The following NRXN1 variants were observed in gnomAD, a reference collection of about 807,000 sequenced individuals.
The protein encoded by NRXN1 is neurexin 1.
Under a neutral mutation model 150.9 loss-of-function variants are expected in NRXN1, and 39 were observed. The observed-to-expected ratio is 0.26, with a 90% CI of 0.20 to 0.34. The LOEUF (loss-of-function observed/expected upper bound fraction) is 0.34. Among genes scored for constraint, NRXN1 ranks in the 10% least tolerant of loss-of-function variants. The pLI is 1.00. For missense variants in NRXN1, 1,815 were observed against 1,949.9 expected (o/e 0.93, Z 1.30); for synonymous variants, 924 against 757.0 (o/e 1.22, Z -3.62).
intron 5 of NRXN1, among the ~76,000 whole-genome samples, chr2:50,673,393 G>A (rs1444116528): frequency 6.6e-6 from 1 of 152,048 alleles, no homozygotes; most frequent in Non-Finnish European, 1.5e-5. Context: ...AGTCATTAAA[G>A]TTATAATTTA....
At chr2:50,483,336 A>C (rs1218218849) in intron 15 of NRXN1, among the ~76,000 whole-genome samples, 3 of 152,100 alleles carry the variant, frequency 2.0e-5, no homozygotes, top group Non-Finnish European at 4.4e-5. Context: ...GCATATAATA[A>C]AGAAAAAACT....
At chr2:50,120,443 T>C (rs749589660) in intron 18 of NRXN1, among the ~76,000 whole-genome samples, 6 of 152,300 alleles carry the variant, frequency 3.9e-5, no homozygotes, top group Admixed American at 1.3e-4. Context: ...AGAATACTAT[T>C]TATAGTTTAT....
chr2:49,940,685 T>A (rs564351560), intron 22 of NRXN1, among the ~76,000 whole-genome samples: 2 of 152,268 alleles, frequency 1.3e-5, no homozygotes, highest in African/African-American at 4.8e-5. Context: ...AACCAATTTC[T>A]GCCCAAAGAG....
At chr2:50,391,243 A>G (rs1461537886) in intron 17 of NRXN1, among the ~76,000 whole-genome samples, 1 of 152,102 alleles carries the variant, frequency 6.6e-6, no homozygotes, top group East Asian at 1.9e-4. Flanking sequence ...CAACTGAAAG[A>G]TACAAGTAAA....
intron 15 of NRXN1, among the ~76,000 whole-genome samples, chr2:50,474,121 G>A (rs1229379472): frequency 6.6e-6 from 1 of 151,922 alleles, no homozygotes; most frequent in Non-Finnish European, 1.5e-5. Context: ...TTTGGTCAGA[G>A]AGGGGATACT....
intron 18 of NRXN1, among the ~76,000 whole-genome samples, chr2:50,093,267 T>C (rs551742912): frequency 2.6e-4 from 40 of 151,906 alleles, no homozygotes; most frequent in African/African-American, 8.2e-4. Flanking sequence ...TCATGAGAAA[T>C]ATGGTGGAAA....
chr2:50,762,297 AT>A (rs1701889923), intron 5 of NRXN1, among the ~76,000 whole-genome samples: 1 of 151,804 alleles, frequency 6.6e-6, no homozygotes, highest in Non-Finnish European at 1.5e-5. Context: ...TCATGCCACC[AT>A]GTCCAGCTCT....
At chr2:50,610,759 T>A (rs1478091737) in intron 8 of NRXN1, among the ~76,000 whole-genome samples, 1 of 130,328 alleles carries the variant, frequency 7.7e-6, no homozygotes, top group Non-Finnish European at 1.5e-5. Context: ...TATATTTATA[T>A]ATATATATAT....
chr2:49,930,819 T>C (rs1669995371), intron 22 of NRXN1, among the ~76,000 whole-genome samples: 1 of 152,206 alleles, frequency 6.6e-6, no homozygotes. Flanking sequence ...TTTTCAAGGG[T>C]AAACTAGGTT....
chr2:50,582,478 CAA>C (rs56941425), intron 8 of NRXN1, among the ~76,000 whole-genome samples: 499 of 44,108 alleles, frequency 0.011, 1 homozygote, highest in African/African-American at 0.048. Context: ...GACTCGTCTC[CAA>C]AAAAAAAAAA....
At chr2:50,521,584 C>A (rs2092790039) in intron 12 of NRXN1, among the ~76,000 whole-genome samples, 1 of 152,172 alleles carries the variant, frequency 6.6e-6, no homozygotes, top group African/African-American at 2.4e-5. Context: ...ACATTTCAAT[C>A]TCCAAATTCT....
intron 5 of NRXN1, among the ~76,000 whole-genome samples, chr2:50,795,315 A>G (rs545670939): frequency 1.3e-5 from 2 of 152,180 alleles, no homozygotes; most frequent in East Asian, 3.9e-4. Flanking sequence ...CAAGAATTTA[A>G]AAGACCCAAT....
At chr2:50,001,880 G>T (rs1284053928) in intron 21 of NRXN1, among the ~76,000 whole-genome samples, 1 of 151,910 alleles carries the variant, frequency 6.6e-6, no homozygotes, top group Non-Finnish European at 1.5e-5. Context: ...CAAATGTTAG[G>T]CTATGTTATA....
intron 22 of NRXN1, among the ~76,000 whole-genome samples, chr2:49,928,850 C>G: frequency 6.6e-6 from 1 of 152,120 alleles, no homozygotes; most frequent in Non-Finnish European, 1.5e-5. Context: ...CTTCCCTTCT[C>G]CCTCCCACCA....
At chr2:50,385,484 C>T (rs1407770262) in intron 17 of NRXN1, among the ~76,000 whole-genome samples, 5 of 152,166 alleles carry the variant, frequency 3.3e-5, no homozygotes, top group African/African-American at 7.2e-5. Flanking sequence ...TAATGAAACG[C>T]ATGTATTCAT....
At chr2:50,079,198 A>G (rs760001529) in intron 19 of NRXN1, among the ~76,000 whole-genome samples, 7 of 151,882 alleles carry the variant, frequency 4.6e-5, no homozygotes, top group South Asian at 2.1e-4. Flanking sequence ...TTGTTGCTCA[A>G]TTTGATCTAG....
intron 18 of NRXN1, among the ~76,000 whole-genome samples, chr2:50,172,918 G>C (rs965510051): frequency 6.6e-6 from 1 of 152,164 alleles, no homozygotes; most frequent in Non-Finnish European, 1.5e-5. Flanking sequence ...AGTGAGCTGA[G>C]ATTGTGCCAC....
At chr2:50,451,504 T>C (rs1386540049) in intron 17 of NRXN1, among the ~76,000 whole-genome samples, 2 of 152,178 alleles carry the variant, frequency 1.3e-5, no homozygotes, top group Admixed American at 6.5e-5. Flanking sequence ...GAGGCAGACC[T>C]GCAGATGAGC....
intron 5 of NRXN1, among the ~76,000 whole-genome samples, chr2:50,750,599 A>AT (rs1700492154): frequency 6.6e-6 from 1 of 151,994 alleles, no homozygotes; most frequent in Admixed American, 6.6e-5. Flanking sequence ...AATAATAATA[A>AT]AAAAAGAAAA....
Sources: gnomAD v4.1 joint callset for allele counts (sites outside exome capture counted in the v4.1 genomes callset) on GRCh38, gnomAD v4.1.1 for gene constraint, MANE v1.5 for transcripts, NCBI Gene and HGNC (gene_info 2026-07-23, HGNC 2026-07-21) for gene names.